Variants in PCNX1 observed in about 807,000 individuals in gnomAD.
The protein encoded by PCNX1 is pecanex 1.
In PCNX1, 78 loss-of-function variants were observed where a neutral mutation model predicts 242.2. The observed-to-expected ratio is 0.32, with a 90% CI of 0.27 to 0.39. The LOEUF (loss-of-function observed/expected upper bound fraction) is 0.39. Among genes scored for constraint, PCNX1 ranks in the 10% least tolerant of loss-of-function variants. The pLI, the probability that PCNX1 is intolerant of heterozygous loss-of-function variation, is 1.00. For missense variants in PCNX1, 2,581 were observed against 2,856.5 expected (o/e 0.90, Z 2.20); for synonymous variants, 1,024 against 1,032.9 (o/e 0.99, Z 0.17).
intron 30 of PCNX1, among the ~76,000 whole-genome samples, chr14:71,100,285 G>A (rs1197214679): frequency 6.6e-6 from 1 of 152,104 alleles, no homozygotes; most frequent in Non-Finnish European, 1.5e-5. Flanking sequence ...TTATAAGGCT[G>A]GTTAAGTGGT....
chr14:70,921,000 G>A (rs115912321), intron 1 of PCNX1, among the ~76,000 whole-genome samples: 1,686 of 152,214 alleles, frequency 0.011, 14 homozygotes, highest in South Asian at 0.017. Context: ...TTCCTTAAAA[G>A]AATGTATGTT....
At chr14:70,939,032 T>A (rs1594952782) in intron 1 of PCNX1, among the ~76,000 whole-genome samples, 1 of 152,242 alleles carries the variant, frequency 6.6e-6, no homozygotes, top group Admixed American at 6.5e-5. Flanking sequence ...TCTTCTTTAT[T>A]AGTCTTGCTA....
chr14:71,089,363 T>G (rs987300054), intron 30 of PCNX1, 21 bp downstream of exon 30: 3 of 1,583,246 alleles, frequency 1.9e-6, no homozygotes, highest in Middle Eastern at 3.3e-4. Context: ...GAGATTTTTC[T>G]AATTCATTAC....
intron 2 of PCNX1, among the ~76,000 whole-genome samples, chr14:70,956,700 A>G (rs1184460973): frequency 6.6e-6 from 1 of 152,148 alleles, no homozygotes; most frequent in Non-Finnish European, 1.5e-5. Flanking sequence ...TAAAGAAAGA[A>G]CAGATATGAT....
intron 2 of PCNX1, among the ~76,000 whole-genome samples, chr14:70,948,582 T>C (rs2057556132): frequency 6.6e-6 from 1 of 151,694 alleles, no homozygotes; most frequent in Non-Finnish European, 1.5e-5. Flanking sequence ...TATATACACA[T>C]ATGCATATAT....
intron 5 of PCNX1, among the ~76,000 whole-genome samples, chr14:70,976,135 T>C (rs891551060): frequency 6.6e-6 from 1 of 152,138 alleles, no homozygotes; most frequent in African/African-American, 2.4e-5. Flanking sequence ...GTTAGTAAGG[T>C]AGAATAATGA....
At chr14:71,108,517 A>T in intron 33 of PCNX1, 87 bp from the exon 34 acceptor site, 1 of 1,017,280 alleles carries the variant, frequency 9.8e-7, no homozygotes, top group Non-Finnish European at 1.5e-6. Context: ...TTAATTGCTT[A>T]GGGGAAAAAG....
intron 28 of PCNX1, among the ~76,000 whole-genome samples, chr14:71,084,986 G>T (rs537790994): frequency 1.8e-3 from 279 of 152,298 alleles, no homozygotes; most frequent in Non-Finnish European, 3.4e-3. Context: ...GCACGCGAGG[G>T]AATCTCTTGG....
At chr14:71,053,205 T>C (rs1218486323) in intron 24 of PCNX1, 1 of 446,592 alleles carries the variant, frequency 2.2e-6, no homozygotes, top group Non-Finnish European at 4.4e-6. Flanking sequence ...CCCAAAGTAA[T>C]GTTCAGTGGC....
In PCNX1 at chr14:70,955,392, A is replaced by G. The variant is rs1266465590; in HGVS notation, c.363-6834A>G. On this transcript the variant is annotated intron_variant, in intron 2 of 35. Coordinates refer to ENST00000304743, the MANE Select transcript of PCNX1 (RefSeq NM_014982.3). ...TTTTATCCTTATTCTTATGAGCATCATTTTACTCCAGATTTACAAACTTGG... is the reference window on the plus strand; with the variant it reads ...TTTTATCCTTATTCTTATGAGCATCGTTTTACTCCAGATTTACAAACTTGG... 7.2e-5 allele frequency among the ~76,000 whole-genome samples: 11 copies of G among 152,240 alleles called. No homozygotes were observed. In the East Asian group the frequency reaches 1.9e-3, roughly 27 times the overall value.
At position 70,938,300 on chromosome 14, in the gene PCNX1, C is replaced by T. The variant is rs1306175143; in HGVS notation, c.154-8615C>T. ...AGATAGCTCTTATTATTTTGAGATA[C>T]GTCCCATCAATACCTAATTTATTGA... On this transcript the variant is annotated intron_variant, in intron 1 of 35. Transcript: ENST00000304743. 1.2e-4 allele frequency among the ~76,000 whole-genome samples: 18 copies of T among 152,148 alleles called. No individual in the cohort carries two copies. The East Asian group carries it at 2.1e-3, about 18-fold the overall frequency.
intron 1 of PCNX1, among the ~76,000 whole-genome samples, chr14:70,939,039 G>A (rs532685395): frequency 1.3e-5 from 2 of 152,172 alleles, no homozygotes; most frequent in South Asian, 4.2e-4. Flanking sequence ...TATTAGTCTT[G>A]CTAGTGGTCT....
At chr14:71,103,125 G>A (rs1267143770) in intron 31 of PCNX1, among the ~76,000 whole-genome samples, 1 of 152,132 alleles carries the variant, frequency 6.6e-6, no homozygotes, top group Non-Finnish European at 1.5e-5. Flanking sequence ...GCTTTGCCAA[G>A]TTAAAAAACT....
chr14:71,024,140 T>C (rs2060177158), intron 13 of PCNX1, among the ~76,000 whole-genome samples: 1 of 152,200 alleles, frequency 6.6e-6, no homozygotes, highest in African/African-American at 2.4e-5. Context: ...TAGCACATGA[T>C]CATTTTTCCT....
chr14:70,936,258 C>A (rs1882828606), intron 1 of PCNX1, among the ~76,000 whole-genome samples: 1 of 151,828 alleles, frequency 6.6e-6, no homozygotes, highest in Admixed American at 6.6e-5. Context: ...TTAGGTATAT[C>A]TCCTATTGCT....
At chr14:70,937,824 T>C (rs2057072373) in intron 1 of PCNX1, among the ~76,000 whole-genome samples, 1 of 152,230 alleles carries the variant, frequency 6.6e-6, no homozygotes, top group African/African-American at 2.4e-5. Flanking sequence ...CAGTGGTTTA[T>C]AGTTCTCCTT....
At chr14:70,954,791 T>C (rs1877642173) in intron 2 of PCNX1, among the ~76,000 whole-genome samples, 1 of 152,342 alleles carries the variant, frequency 6.6e-6, no homozygotes, top group African/African-American at 2.4e-5. Flanking sequence ...CATGGTTAAA[T>C]TGAAGTATTA....
In PCNX1 at chr14:71,019,046, C is replaced by T. The variant is rs200335043; in HGVS notation, c.3034C>T (p.Leu1012=). 7.4e-6 allele frequency: 12 copies of T among 1,612,648 alleles called. No individual in the cohort carries two copies. The highest frequency in any genetic ancestry group is 1.3e-5 in the African/African-American group (1 of 74,806). The change falls in exon 12 of 36, where the codon CTG becomes TTG. Residue 1012 remains leucine (L), a synonymous_variant. Coordinates refer to ENST00000304743, the MANE Select transcript of PCNX1 (RefSeq NM_014982.3). The part of the protein sequence containing the change: ...EILENVLAVI[L]AILVAFLGSI... ...CCTGGAAAATGTGTTAGCTGTCATC[C>T]TGGCTATTCTCGTGGCCTTTTTGGG...
chr14:70,943,942 C>A (rs962164189), intron 1 of PCNX1, among the ~76,000 whole-genome samples: 3 of 152,188 alleles, frequency 2.0e-5, no homozygotes, highest in African/African-American at 7.2e-5. Context: ...TGTGGATGCA[C>A]AGAAGCCAAG....
Sources: gnomAD v4.1 joint callset for allele counts (sites outside exome capture counted in the v4.1 genomes callset) on GRCh38, gnomAD v4.1.1 for gene constraint, MANE v1.5 for transcripts, NCBI Gene and HGNC (gene_info 2026-07-23, HGNC 2026-07-21) for gene names.